RSPH10B2: variants seen among roughly 807,000 people sequenced by gnomAD.
The protein encoded by RSPH10B2 is radial spoke head 10 homolog B2 (Chlamydomonas).
A neutral mutation model predicts 49.0 loss-of-function variants in RSPH10B2; 9 were observed. That is an observed-to-expected ratio of 0.18 (90% CI 0.11 to 0.32). The LOEUF (loss-of-function observed/expected upper bound fraction) is 0.32, where lower values mean the gene tolerates loss of function less well. Among genes scored for constraint, RSPH10B2 ranks in the 10% least tolerant of loss-of-function variants. RSPH10B2 has a pLI of 1.00. For synonymous variants in RSPH10B2, 35 were observed against 210.2 expected, an observed-to-expected ratio of 0.17 and a Z score of 7.21; for missense variants, 95 against 589.9, an observed-to-expected ratio of 0.16 and a Z score of 8.69.
chr7:6,779,859 G>A, intron 11 of RSPH10B2, 135 bp downstream of exon 13: 1 of 395,958 alleles, frequency 2.5e-6, no homozygotes, highest in East Asian at 5.9e-5. Context: ...CCAGGCTGGA[G>A]TGCAGTGGCA....
In RSPH10B2 at chr7:6,781,293, A is replaced by G. The variant is rs1387743669; in HGVS notation, c.1610-35A>G. On this transcript the variant is annotated intron_variant, in intron 12 of 18. Transcript: ENST00000297186. ...CTGCTATTTTTTTTCTCAAAACATAAATCTGTAATCATTTTTCGAACGTTG... is the reference window on the plus strand; with the variant it reads ...CTGCTATTTTTTTTCTCAAAACATAGATCTGTAATCATTTTTCGAACGTTG... 1.7e-5 allele frequency: 22 copies of G among 1,298,920 alleles called. 6 individuals are homozygous for G. The highest frequency in any genetic ancestry group is 2.0e-5 in the Non-Finnish European group (20 of 989,090). 80.5% of individuals were successfully genotyped at this position (1,298,920 alleles called of 1,614,324 possible).
chr7:6,780,605 A>G (rs1781897678), intron 11 of RSPH10B2, among the ~76,000 whole-genome samples: 2 of 116,698 alleles, frequency 1.7e-5, no homozygotes, highest in Non-Finnish European at 1.8e-5. Context: ...GGCTGGTCTT[A>G]AACTCCTGAC....
intron 16 of RSPH10B2, among the ~76,000 whole-genome samples, chr7:6,791,586 A>G (rs1485047326): frequency 1.4e-5 from 2 of 145,492 alleles, no homozygotes; most frequent in African/African-American, 5.0e-5. Context: ...TCTACTAAAA[A>G]TACAAAAATT....
Position 6,780,526 on chromosome 7 carries a change from G to A in RSPH10B2, c.1530-283G>A, listed in dbSNP as rs1202187048. Among the ~76,000 whole-genome samples the A allele has an allele frequency of 1.8e-5, 2 of 113,802 alleles. 1 individual carries two copies. The highest frequency in any genetic ancestry group is 3.6e-5 in the Non-Finnish European group (2 of 55,132). The allele number at this position is 113,802 out of a possible 152,430, so 74.7% of individuals were successfully genotyped here. A position where few individuals can be genotyped will look rare whatever the true frequency, so the allele number is the denominator to read the frequency against. On this transcript the variant is annotated intron_variant, in intron 11 of 18. Coordinates refer to ENST00000297186, the Ensembl canonical transcript of RSPH10B2. The stretch of plus-strand genomic sequence containing the variant: ...AGCCTCCCAAGTAGCTGGGATTACC[G>A]GTGTCTGCCACCAAGCCCAGCTAAT...
At chr7:6,780,290 A>G (rs1781883976) in intron 11 of RSPH10B2, among the ~76,000 whole-genome samples, 1 of 125,578 alleles carries the variant, frequency 8.0e-6, no homozygotes. Flanking sequence ...TGCAGAAACA[A>G]ATAGTCACAA....
intron 17 of RSPH10B2, among the ~76,000 whole-genome samples, chr7:6,796,143 A>T (rs1314081338): frequency 1.5e-5 from 2 of 132,530 alleles, no homozygotes; most frequent in Non-Finnish European, 3.3e-5. Flanking sequence ...AACATGGTGA[A>T]ACCTCATCTC....
intron 17 of RSPH10B2, among the ~76,000 whole-genome samples, chr7:6,795,932 TA>T (rs201650381): frequency 0.29 from 40,433 of 137,604 alleles, 6,328 homozygotes; most frequent in East Asian, 0.47. Context: ...AGCTTGTCTT[TA>T]AAAAAAAAAA....
rs1206959760 is a variant in RSPH10B2 at position 6,782,018 on chromosome 7, A to G, written c.1758+542A>G. Among the ~76,000 whole-genome samples, 3 of 111,482 alleles carry G rather than the reference A, an allele frequency of 2.7e-5. 1 individual carries two copies. Among genetic ancestry groups the G allele is most frequent in the Non-Finnish European group, 5.4e-5 (3 of 55,220 alleles). The allele number at this position is 111,482 out of a possible 152,430, so 73.1% of individuals were successfully genotyped here. On this transcript the variant is annotated intron_variant, in intron 13 of 18. Coordinates refer to ENST00000297186, the Ensembl canonical transcript of RSPH10B2. ...AACCTCCACCTCCTGGGTTCAAGCA[A>G]TTCTCCTGCCTCAGCCTCCTAAGTA...
At chr7:6,756,187 A>G (rs1368995668), upstream of RSPH10B2, among the ~76,000 whole-genome samples, 153 of 142,546 alleles carry the variant, frequency 1.1e-3, no homozygotes, top group Middle Eastern at 3.5e-3. Flanking sequence ...GGAGAATGGC[A>G]TGAACCCGGG....
rs559103518 is a variant in RSPH10B2 at position 6,780,453 on chromosome 7, G to A, written c.1530-356G>A. 1.2e-4 allele frequency among the ~76,000 whole-genome samples: 14 copies of A among 115,180 alleles called. 2 individuals carry two copies. The East Asian group carries it at 3.1e-3, about 25-fold the overall frequency. 75.6% of individuals were successfully genotyped at this position (115,180 alleles called of 152,430 possible). A position where few individuals can be genotyped will look rare whatever the true frequency, so the allele number is the denominator to read the frequency against. On this transcript the variant is annotated intron_variant, in intron 11 of 18. Transcript: ENST00000297186. ...GGCTGGAGTGCAGTGGCGCGATCTC[G>A]GCTCACTGCAACCTCCACCTCCCAG...
intron 4 of RSPH10B2, among the ~76,000 whole-genome samples, chr7:6,764,507 T>C (rs1459395762): frequency 7.1e-4 from 107 of 150,206 alleles, no homozygotes; most frequent in African/African-American, 2.2e-3. Flanking sequence ...ACTACAGGTG[T>C]GCACCACCAC....
Position 6,764,558 on chromosome 7 carries a change from G to A in RSPH10B2, c.573+457G>A, listed in dbSNP as rs1222986670. Among the ~76,000 whole-genome samples the A allele has an allele frequency of 5.4e-5, 8 of 147,944 alleles. No homozygotes were observed. The South Asian group carries it at 6.6e-4, about 12-fold the overall frequency. On this transcript the variant is annotated intron_variant, in intron 4 of 18. Transcript: ENST00000297186. Reference sequence around the variant, plus strand: ...GTATTTTTAGTAGAGATGGGGTTTCGCCATGTTGGCCAGGGTGGTCTTGAA... The same window carrying A: ...GTATTTTTAGTAGAGATGGGGTTTCACCATGTTGGCCAGGGTGGTCTTGAA...
At chr7:6,761,732 C>T (rs1230392217) in intron 3 of RSPH10B2, among the ~76,000 whole-genome samples, 5 of 149,842 alleles carry the variant, frequency 3.3e-5, no homozygotes, top group African/African-American at 4.9e-5. Flanking sequence ...GCCACCACGC[C>T]GGGCTACTTT....
At chr7:6,763,247 C>G (rs1250988574) in intron 3 of RSPH10B2, among the ~76,000 whole-genome samples, 3 of 50,702 alleles carry the variant, frequency 5.9e-5, no homozygotes, top group African/African-American at 2.7e-4. Context: ...ACCAGCCTGG[C>G]CAACATGGCA....
chr7:6,795,402 C>T (rs1369301397), intron 17 of RSPH10B2, among the ~76,000 whole-genome samples: 2 of 27,368 alleles, frequency 7.3e-5, no homozygotes, highest in African/African-American at 2.6e-4. Context: ...AGAGAGGATT[C>T]ACTTGGGATA....
At chr7:6,764,465 A>G (rs1480529721) in intron 4 of RSPH10B2, among the ~76,000 whole-genome samples, 4 of 151,206 alleles carry the variant, frequency 2.6e-5, no homozygotes, top group South Asian at 4.3e-4. Flanking sequence ...GGTTCAAGCA[A>G]ATCTCCTGCC....
At position 6,761,352 on chromosome 7, in the gene RSPH10B2, AGTTTG is replaced by A. The variant is rs1348730603; in HGVS notation, c.399+1060_399+1064del. 31 of 131,024 alleles carry A rather than the reference AGTTTG, an allele frequency of 2.4e-4. 1 individual carries two copies. In the East Asian group the frequency reaches 6.3e-3, roughly 27 times the overall value. 8.1% of individuals were successfully genotyped at this position (131,024 alleles called of 1,614,324 possible). A position where few individuals can be genotyped will look rare whatever the true frequency, so the allele number is the denominator to read the frequency against. On this transcript the variant is annotated intron_variant, in intron 3 of 18. Transcript: ENST00000297186. ...ACAGGCAATGATGGAAACGGAGTCA[AGTTTG>A]GGCCGGGAAGCCACCTGCAGCTGGG...
exon 19 of RSPH10B2, chr7:6,798,376 A>T (rs749512265): frequency 8.0e-7 from 1 of 1,253,990 alleles, no homozygotes; most frequent in Non-Finnish European, 1.0e-6. Flanking sequence ...GAACATCTTT[A>T]TCTTGAGAGA....
At chr7:6,763,876 G>T in intron 3 of RSPH10B2, 52 bp from the exon 6 acceptor site, 1 of 1,575,204 alleles carries the variant, frequency 6.3e-7, no homozygotes, top group Non-Finnish European at 8.7e-7. Flanking sequence ...AGGGATTCCC[G>T]CCCCCACCCC....
Sources: allele counts gnomAD v4.1 joint callset (sites outside exome capture counted in the v4.1 genomes callset), GRCh38; gene constraint gnomAD v4.1.1; transcripts MANE v1.5; gene names NCBI Gene and HGNC (gene_info 2026-07-23, HGNC 2026-07-21).